The following NELL1 variants were observed in gnomAD, a reference collection of about 807,000 sequenced individuals.
NELL1 encodes protein kinase C-binding protein NELL1.
NELL1 carries 76 observed loss-of-function variants against 107.4 expected under a neutral mutation model. The ratio of observed to expected loss-of-function variants is 0.71; its 90% CI spans 0.59 to 0.86. The LOEUF is 0.86. Among genes scored for constraint, NELL1 ranks in the 40% least tolerant of loss-of-function variants. The pLI, the probability that NELL1 is intolerant of heterozygous loss-of-function variation, is 0.00. For missense variants in NELL1, 1,024 were observed against 1,005.5 expected, an observed-to-expected ratio of 1.02 and a Z score of -0.25; for synonymous variants, 353 against 341.2, an observed-to-expected ratio of 1.03 and a Z score of -0.38.
intron 12 of NELL1, among the ~76,000 whole-genome samples, chr11:20,979,002 G>GC (rs1276806114): frequency 6.6e-6 from 1 of 152,034 alleles, no homozygotes; most frequent in Non-Finnish European, 1.5e-5. Context: ...GATTTTGCAG[G>GC]CCCCCCAGCA....
chr11:21,504,254 A>G (rs1411893549), intron 15 of NELL1: 1 of 152,246 alleles, frequency 6.6e-6, no homozygotes, highest in East Asian at 1.9e-4. Context: ...TTGTGACAAT[A>G]CGATCATGAT....
At chr11:21,568,661 G>A (rs968657529) in intron 17 of NELL1, among the ~76,000 whole-genome samples, 5 of 150,370 alleles carry the variant, frequency 3.3e-5, no homozygotes, top group South Asian at 4.2e-4. Flanking sequence ...TTTTCAAACC[G>A]GCACACAAAA....
intron 14 of NELL1, among the ~76,000 whole-genome samples, chr11:21,290,402 A>AATAAATAG (rs1554995061): frequency 2.6e-5 from 2 of 76,278 alleles, no homozygotes; most frequent in Non-Finnish European, 8.1e-5. Flanking sequence ...TAAATAGATA[A>AATAAATAG]ATAAATAAAT....
At chr11:20,894,214 G>T (rs550872466) in intron 5 of NELL1, among the ~76,000 whole-genome samples, 1 of 152,306 alleles carries the variant, frequency 6.6e-6, no homozygotes, top group South Asian at 2.1e-4. Context: ...TGACCTCGAT[G>T]TAGGAAAAAT....
intron 14 of NELL1, among the ~76,000 whole-genome samples, chr11:21,232,338 A>G (rs1858085555): frequency 6.6e-6 from 1 of 151,058 alleles, no homozygotes; most frequent in African/African-American, 2.4e-5. Flanking sequence ...TCAAAAAAAA[A>G]AAAAAAAATT....
intron 12 of NELL1, among the ~76,000 whole-genome samples, chr11:21,007,299 T>A (rs1010082590): frequency 1.3e-5 from 2 of 152,000 alleles, no homozygotes; most frequent in Admixed American, 6.6e-5. Context: ...TTTTTAGTGA[T>A]CTCTCCTCTG....
intron 2 of NELL1, among the ~76,000 whole-genome samples, chr11:20,734,474 G>T (rs1449637366): frequency 6.6e-6 from 1 of 152,130 alleles, no homozygotes; most frequent in Non-Finnish European, 1.5e-5. Context: ...CATCATGAAG[G>T]ATATGGTGAG....
intron 3 of NELL1, among the ~76,000 whole-genome samples, chr11:20,845,364 C>T (rs1158388347): frequency 6.6e-6 from 1 of 152,114 alleles, no homozygotes; most frequent in East Asian, 1.9e-4. Flanking sequence ...GCCACAACCC[C>T]AAGAATAATG....
chr11:20,686,011 T>C (rs1370784737), intron 2 of NELL1, among the ~76,000 whole-genome samples: 1 of 152,022 alleles, frequency 6.6e-6, no homozygotes, highest in Non-Finnish European at 1.5e-5. Context: ...TGTCTGGAAA[T>C]GGGACGAATA....
chr11:21,182,377 G>C (rs767655120), intron 13 of NELL1, among the ~76,000 whole-genome samples: 22 of 151,022 alleles, frequency 1.5e-4, no homozygotes, highest in Non-Finnish European at 2.5e-4. Context: ...GGAGGTTGCA[G>C]TGAACCGAGA....
chr11:21,095,214 C>T (rs941114777), intron 12 of NELL1, among the ~76,000 whole-genome samples: 3 of 152,162 alleles, frequency 2.0e-5, no homozygotes, highest in Admixed American at 6.5e-5. Flanking sequence ...ACCTTTGCTC[C>T]AGTTCCCAAC....
At chr11:21,494,795 G>C (rs1011020482) in intron 15 of NELL1, among the ~76,000 whole-genome samples, 1 of 151,788 alleles carries the variant, frequency 6.6e-6, no homozygotes, top group Admixed American at 6.6e-5. Flanking sequence ...AAACAACGTA[G>C]ATAAATCTTA....
intron 12 of NELL1, among the ~76,000 whole-genome samples, chr11:20,989,038 A>T (rs1851914544): frequency 6.6e-6 from 1 of 152,118 alleles, no homozygotes; most frequent in South Asian, 2.1e-4. Flanking sequence ...CCCATCTGTA[A>T]CAATAGTGTC....
chr11:20,778,153 G>T (rs1457223134), intron 2 of NELL1, among the ~76,000 whole-genome samples: 2 of 152,120 alleles, frequency 1.3e-5, no homozygotes, highest in Non-Finnish European at 2.9e-5. Flanking sequence ...TTAGAGTCAG[G>T]TTCAATTATA....
At position 20,928,403 on chromosome 11, in the gene NELL1, G is replaced by T; in HGVS notation, c.921G>T (p.Met307Ile). The T allele has an allele frequency of 6.2e-7, 1 of 1,614,016 alleles. No homozygotes were observed. The highest frequency in any genetic ancestry group is 8.5e-7 in the Non-Finnish European group (1 of 1,179,942). Residue 307 changes from methionine to isoleucine, a missense_variant, in exon 9 of 20, where the codon ATG becomes ATT. Coordinates refer to ENST00000357134, the MANE Select transcript of NELL1 (RefSeq NM_006157.5). ...CKSGAVECRR[M>I]SCPPLNCSPD... is the part of the protein sequence containing the mutation. ...GTGGTGCCGTGGAATGCCGAAGGAT[G>T]TCCTGTCCCCCTCTCAATTGCTCCC...
chr11:20,894,545 A>T (rs1849684917), intron 5 of NELL1, among the ~76,000 whole-genome samples: 1 of 152,240 alleles, frequency 6.6e-6, no homozygotes, highest in Non-Finnish European at 1.5e-5. Flanking sequence ...ATTAGTCATC[A>T]GGGAAAGTAA....
At chr11:21,127,885 A>G (rs1855522614) in intron 13 of NELL1, among the ~76,000 whole-genome samples, 1 of 152,200 alleles carries the variant, frequency 6.6e-6, no homozygotes, top group South Asian at 2.1e-4. Flanking sequence ...ACATCTTATC[A>G]TAGCTGTTAC....
chr11:20,734,304 G>A (rs1309549946), intron 2 of NELL1, among the ~76,000 whole-genome samples: 2 of 152,270 alleles, frequency 1.3e-5, no homozygotes, highest in Middle Eastern at 3.4e-3. Flanking sequence ...TTCCATGGGT[G>A]GGAAGCAGTT....
At chr11:21,108,525 A>G (rs1425121018) in intron 12 of NELL1, among the ~76,000 whole-genome samples, 1 of 152,158 alleles carries the variant, frequency 6.6e-6, no homozygotes, top group African/African-American at 2.4e-5. Context: ...ATTTATATGA[A>G]AGAATTGCAA....
Sources: allele counts gnomAD v4.1 joint callset (sites outside exome capture counted in the v4.1 genomes callset), GRCh38; gene constraint gnomAD v4.1.1; transcripts MANE v1.5; gene names NCBI Gene and HGNC (gene_info 2026-07-23, HGNC 2026-07-21).